LYRM7: variants seen among roughly 807,000 people sequenced by gnomAD.
LYRM7 encodes the protein LYR motif containing 7.
A neutral mutation model predicts 15.8 loss-of-function variants in LYRM7; 9 were observed. The ratio of observed to expected loss-of-function variants is 0.57; its 90% CI spans 0.34 to 0.99. LYRM7 has a LOEUF of 0.99. LYRM7 is among the 50% of genes least tolerant of loss of function. The pLI is 0.02. For missense variants in LYRM7, 115 were observed against 119.1 expected (o/e 0.97, Z 0.16); for synonymous variants, 39 against 39.4 (o/e 0.99, Z 0.04).
chr5:131,174,675 T>G (rs955139467), intron 1 of LYRM7, among the ~76,000 whole-genome samples: 10 of 151,970 alleles, frequency 6.6e-5, no homozygotes, highest in Admixed American at 3.3e-4. Context: ...GCAAAACCTG[T>G]CTCTACAAAA....
At chr5:131,184,276 A>G (rs1755758809) in intron 3 of LYRM7, among the ~76,000 whole-genome samples, 2 of 152,246 alleles carry the variant, frequency 1.3e-5, no homozygotes, top group South Asian at 4.1e-4. Flanking sequence ...CCCCTGCAAT[A>G]TGTTTTTTAG....
At chr5:131,181,382 A>C (rs1277838606) in intron 2 of LYRM7, among the ~76,000 whole-genome samples, 1 of 65,884 alleles carries the variant, frequency 1.5e-5, no homozygotes, top group Non-Finnish European at 2.5e-5. Flanking sequence ...TGTATATATA[A>C]TATATACATA....
In LYRM7 at chr5:131,196,790, C is replaced by T. The variant is rs548257232; in HGVS notation, c.245-2741C>T. On this transcript the variant is annotated intron_variant, in intron 4 of 4. Transcript: ENST00000379380. ...CAAGCGATTCTCCTGCCTCAGCCTCCCTGGTAGCTGGTGCCTGCCACCACG... is the reference window on the plus strand; with the variant it reads ...CAAGCGATTCTCCTGCCTCAGCCTCTCTGGTAGCTGGTGCCTGCCACCACG... 3.3e-5 allele frequency among the ~76,000 whole-genome samples: 5 copies of T among 152,082 alleles called. No homozygotes were observed. In the South Asian group the frequency reaches 1.0e-3, roughly 32 times the overall value.
At chr5:131,184,364 T>G (rs571967568) in intron 3 of LYRM7, among the ~76,000 whole-genome samples, 9 of 152,184 alleles carry the variant, frequency 5.9e-5, no homozygotes, top group Non-Finnish European at 2.9e-5. Flanking sequence ...TAATTGTGAT[T>G]TTTTCTTTTC....
intron 4 of LYRM7, among the ~76,000 whole-genome samples, chr5:131,195,240 G>A (rs1755944772): frequency 6.6e-6 from 1 of 152,150 alleles, no homozygotes. Context: ...CTGCACTCCA[G>A]CCTGGGCGAC....
chr5:131,183,836 A>G (rs766318873), intron 3 of LYRM7, among the ~76,000 whole-genome samples: 15 of 152,202 alleles, frequency 9.9e-5, no homozygotes, highest in Non-Finnish European at 1.2e-4. Context: ...GAGAATTTTT[A>G]AAAATATATA....
rs537386341 is a variant in LYRM7, at chr5:131,184,395, G to A, written c.162+2096G>A. Among the ~76,000 whole-genome samples the A allele has an allele frequency of 3.3e-5, 5 of 152,214 alleles. No individual in the cohort carries two copies. In the South Asian group the frequency reaches 6.2e-4, roughly 19 times the overall value. On this transcript the variant is annotated intron_variant, in intron 3 of 4. Transcript: ENST00000379380. ...TTTTCTTTATTTTTTTGGGTAGAGA[G>A]GAGGTCTTGCTTTGTTGCCCAGGCT...
At chr5:131,171,136 T>C in intron 1 of LYRM7, 98 bp downstream of exon 1, 1 of 1,203,468 alleles carries the variant, frequency 8.3e-7, no homozygotes, top group South Asian at 1.8e-5. Context: ...CTGGGGCTCC[T>C]GACCCTTTAT....
chr5:131,200,540 A>G lies in LYRM7; in HGVS notation c.*939A>G, dbSNP rs1051538297. The G allele has an allele frequency of 1.8e-4, 28 of 152,350 alleles. No homozygotes were observed. Among genetic ancestry groups the G allele is most frequent in the African/African-American group, 5.3e-4 (22 of 41,540 alleles). The allele number at this position is 152,350 out of a possible 1,614,324, so 9.4% of individuals were successfully genotyped here. A position where few individuals can be genotyped will look rare whatever the true frequency, so the allele number is the denominator to read the frequency against. On this transcript the variant is annotated 3_prime_UTR_variant, in exon 5 of 5. Transcript: ENST00000379380. ...TTTATCTGTGTATCTTTGCCATTCT[A>G]TTTTCTCAGTGAATAGTATGTTTTC...
intron 4 of LYRM7, among the ~76,000 whole-genome samples, chr5:131,194,779 C>T: frequency 6.6e-6 from 1 of 152,118 alleles, no homozygotes; most frequent in East Asian, 1.9e-4. Flanking sequence ...TATCATTAGC[C>T]TATTTCTGTG....
chr5:131,187,240 T>C, intron 4 of LYRM7, 131 bp downstream of exon 4: 1 of 533,088 alleles, frequency 1.9e-6, no homozygotes, highest in Non-Finnish European at 3.4e-6. Context: ...AGCATATATA[T>C]TTTACAAGGT....
At chr5:131,183,427 T>C (rs557271487) in intron 3 of LYRM7, among the ~76,000 whole-genome samples, 2 of 152,308 alleles carry the variant, frequency 1.3e-5, no homozygotes, top group Non-Finnish European at 2.9e-5. Flanking sequence ...TCATAACATA[T>C]GATAATTTTT....
chr5:131,199,627 G>T lies in LYRM7; in HGVS notation c.*26G>T. The T allele has an allele frequency of 6.5e-7, 1 of 1,530,236 alleles. No individual in the cohort carries two copies. The highest frequency in any genetic ancestry group is 1.4e-5 in the African/African-American group (1 of 71,900). The allele number at this position is 1,530,236 out of a possible 1,614,324, so 94.8% of individuals were successfully genotyped here. A position where few individuals can be genotyped will look rare whatever the true frequency, so the allele number is the denominator to read the frequency against. On this transcript the variant is annotated 3_prime_UTR_variant, in exon 5 of 5. Transcript: ENST00000379380. ...GTTTTCTAGAATACAACAAGTCTTT[G>T]TACTTTTTAACTTTAAAATCTACAA...
intron 1 of LYRM7, among the ~76,000 whole-genome samples, chr5:131,175,792 G>A (rs530743407): frequency 6.9e-6 from 1 of 145,078 alleles, no homozygotes; most frequent in Admixed American, 6.7e-5. Context: ...ATGGAATCTC[G>A]ATGTCACCCA....
chr5:131,195,054 A>T (rs1755941915), intron 4 of LYRM7, among the ~76,000 whole-genome samples: 1 of 152,134 alleles, frequency 6.6e-6, no homozygotes. Flanking sequence ...ACCTGAGGTC[A>T]GGAGTTTGAG....
At chr5:131,196,638 G>A (rs540701957) in intron 4 of LYRM7, among the ~76,000 whole-genome samples, 1 of 151,876 alleles carries the variant, frequency 6.6e-6, no homozygotes, top group South Asian at 2.1e-4. Context: ...CTAAGGACAA[G>A]CACTAGCCCA....
At chr5:131,187,483 GTTTT>G (rs67748558) in intron 4 of LYRM7, among the ~76,000 whole-genome samples, 1 of 142,770 alleles carries the variant, frequency 7.0e-6, no homozygotes, top group African/African-American at 2.5e-5. Flanking sequence ...TTTTGTTTTT[GTTTT>G]TTTTTTGGGT....
chr5:131,176,040 G>A (rs1031687765), intron 1 of LYRM7, among the ~76,000 whole-genome samples: 3 of 152,278 alleles, frequency 2.0e-5, no homozygotes, highest in South Asian at 2.1e-4. Flanking sequence ...GATTACAGGC[G>A]TGAGCCACTG....
intron 1 of LYRM7, among the ~76,000 whole-genome samples, chr5:131,174,041 G>A (rs1212585645): frequency 6.6e-6 from 1 of 152,206 alleles, no homozygotes; most frequent in Non-Finnish European, 1.5e-5. Context: ...TTTACCCACA[G>A]TAGAGCATCT....
Sources: gnomAD v4.1 joint callset for allele counts (sites outside exome capture counted in the v4.1 genomes callset) on GRCh38, gnomAD v4.1.1 for gene constraint, MANE v1.5 for transcripts, NCBI Gene and HGNC (gene_info 2026-07-23, HGNC 2026-07-21) for gene names.